The following ADK variants were observed in gnomAD, a reference collection of about 807,000 sequenced individuals.
ADK encodes N6,N6-dimethyladenosine kinase.
ADK carries 24 observed loss-of-function variants against 44.7 expected under a neutral mutation model. The ratio of observed to expected loss-of-function variants is 0.54; its 90% CI spans 0.39 to 0.76. The LOEUF (loss-of-function observed/expected upper bound fraction) is 0.76, where lower values mean the gene tolerates loss of function less well. Ranked by LOEUF, ADK falls within the 30% of genes least tolerant of loss-of-function variation. The probability of loss-of-function intolerance (pLI) is 0.00; values close to 1 mark genes in which losing one functional copy is unlikely to be tolerated. For missense variants in ADK, 321 were observed against 425.1 expected, an observed-to-expected ratio of 0.76 and a Z score of 2.15; for synonymous variants, 128 against 142.6, an observed-to-expected ratio of 0.90 and a Z score of 0.73.
rs886947496 is a variant in ADK, at chr10:74,492,399, C to T, written c.556-32857C>T. On this transcript the variant is annotated intron_variant, in intron 6 of 10. Transcript: ENST00000539909. ...GGAGGATCACTTGAGCCCAAGAGTTCGAGTCTGACCTGGGCAACATAATAA... is the reference window on the plus strand; with the variant it reads ...GGAGGATCACTTGAGCCCAAGAGTTTGAGTCTGACCTGGGCAACATAATAA... Among the ~76,000 whole-genome samples the T allele has an allele frequency of 1.1e-4, 16 of 151,852 alleles. No homozygotes were observed. The South Asian group carries it at 3.1e-3, about 30-fold the overall frequency.
rs2132017100 is a variant in ADK, at chr10:74,151,242, G to A, written c.-37G>A. 1.3e-6 allele frequency: 2 copies of A among 1,548,816 alleles called. 1 individual carries two copies. The highest frequency in any genetic ancestry group is 2.4e-5 in the South Asian group (2 of 83,950). On this transcript the variant is annotated 5_prime_UTR_variant, in exon 1 of 11. It adds an upstream start codon to the 5' untranslated region. Coordinates refer to ENST00000539909, the MANE Select transcript of ADK (RefSeq NM_006721.4). ...CGGGACCAGAGAGTGGATGGCAGAG[G>A]TGGGCTGTAGAGCCAAAGTGGGGTG...
chr10:74,360,969 G>A (rs1426351044), intron 4 of ADK, among the ~76,000 whole-genome samples: 1 of 152,170 alleles, frequency 6.6e-6, no homozygotes, highest in Non-Finnish European at 1.5e-5. Flanking sequence ...GTGCAGTGGT[G>A]TGATCTCGGC....
chr10:74,643,090 C>T (rs940904184), intron 9 of ADK, among the ~76,000 whole-genome samples: 6 of 152,058 alleles, frequency 3.9e-5, no homozygotes, highest in African/African-American at 1.4e-4. Flanking sequence ...AATCCACCCA[C>T]CTCAGCCTCC....
chr10:74,592,810 A>G (rs1851767903), intron 8 of ADK, among the ~76,000 whole-genome samples: 1 of 152,188 alleles, frequency 6.6e-6, no homozygotes, highest in Non-Finnish European at 1.5e-5. Flanking sequence ...GGCTATTTAA[A>G]TTAGGATTAA....
intron 6 of ADK, among the ~76,000 whole-genome samples, chr10:74,471,840 TTA>T (rs1431999698): frequency 6.6e-6 from 1 of 152,208 alleles, no homozygotes; most frequent in Non-Finnish European, 1.5e-5. Flanking sequence ...ATTAATTGTT[TTA>T]TGTTTATTTT....
At chr10:74,675,224 A>G (rs1270053618) in intron 10 of ADK, among the ~76,000 whole-genome samples, 1 of 152,192 alleles carries the variant, frequency 6.6e-6, no homozygotes, top group African/African-American at 2.4e-5. Context: ...TCCAGCTACC[A>G]TGTGCTAATT....
intron 3 of ADK, among the ~76,000 whole-genome samples, chr10:74,243,144 G>A (rs1461712547): frequency 6.6e-6 from 1 of 152,198 alleles, no homozygotes; most frequent in Non-Finnish European, 1.5e-5. Flanking sequence ...ACAGACAGAC[G>A]GCAGAGCTAA....
At chr10:74,543,041 CAGG>C (rs1849698685) in intron 7 of ADK, among the ~76,000 whole-genome samples, 1 of 151,930 alleles carries the variant, frequency 6.6e-6, no homozygotes, top group Admixed American at 6.6e-5. Flanking sequence ...GCTGGGACTA[CAGG>C]TGCCTGCCAC....
intron 6 of ADK, among the ~76,000 whole-genome samples, chr10:74,497,494 A>T (rs1847733512): frequency 2.0e-5 from 3 of 152,038 alleles, no homozygotes; most frequent in South Asian, 4.1e-4. Flanking sequence ...TTATAAGCAG[A>T]CTCATTCATT....
At chr10:74,571,015 C>G (rs932489384) in intron 7 of ADK, among the ~76,000 whole-genome samples, 45 of 152,180 alleles carry the variant, frequency 3.0e-4, no homozygotes, top group South Asian at 8.3e-4. Flanking sequence ...TGAATTTTAT[C>G]AAAGGCCTTT....
rs148293445 is a variant in ADK, at chr10:74,604,849, C to T, written c.877+4356C>T. ...TGTAAATTACTTTGGGTAGTATGACCATTTTCACGATATTCTTCCTATCCG... is the reference window on the plus strand; with the variant it reads ...TGTAAATTACTTTGGGTAGTATGACTATTTTCACGATATTCTTCCTATCCG... On this transcript the variant is annotated intron_variant, in intron 9 of 10. Transcript: ENST00000539909. Among the ~76,000 whole-genome samples the T allele has an allele frequency of 7.1e-3, 1,079 of 152,226 alleles. 10 individuals carry two copies. Among genetic ancestry groups the T allele is most frequent in the African/African-American group, 0.025 (1,028 of 41,512 alleles).
At chr10:74,574,600 G>T (rs960606381) in intron 7 of ADK, among the ~76,000 whole-genome samples, 2 of 152,164 alleles carry the variant, frequency 1.3e-5, no homozygotes, top group African/African-American at 4.8e-5. Flanking sequence ...TGTAATTAAA[G>T]ATTTAAATGC....
At chr10:74,162,409 A>G (rs1445745381) in intron 1 of ADK, among the ~76,000 whole-genome samples, 4 of 152,154 alleles carry the variant, frequency 2.6e-5, no homozygotes, top group Non-Finnish European at 4.4e-5. Flanking sequence ...CTATTACCTG[A>G]AAATACTTCA....
At chr10:74,206,561 C>A (rs527921982) in intron 2 of ADK, among the ~76,000 whole-genome samples, 2 of 152,196 alleles carry the variant, frequency 1.3e-5, no homozygotes, top group Non-Finnish European at 2.9e-5. Flanking sequence ...CTCTTCCCCC[C>A]AGCCTGTCAC....
intron 1 of ADK, among the ~76,000 whole-genome samples, chr10:74,196,912 G>A (rs2132137309): frequency 6.6e-6 from 1 of 152,284 alleles, no homozygotes; most frequent in East Asian, 1.9e-4. Flanking sequence ...CTTCATTAAT[G>A]ACCTGGTTTC....
intron 4 of ADK, among the ~76,000 whole-genome samples, chr10:74,334,423 A>G (rs751581266): frequency 6.6e-6 from 1 of 152,188 alleles, no homozygotes; most frequent in Non-Finnish European, 1.5e-5. Context: ...AACTCACTAC[A>G]AGCATAGCAT....
chr10:74,180,318 A>G (rs1842494194), intron 1 of ADK, among the ~76,000 whole-genome samples: 2 of 145,670 alleles, frequency 1.4e-5, no homozygotes, highest in South Asian at 4.4e-4. Flanking sequence ...GCTCATTGCA[A>G]CCTCCACCTC....
At chr10:74,646,733 A>G (rs990367377) in intron 9 of ADK, among the ~76,000 whole-genome samples, 4 of 152,186 alleles carry the variant, frequency 2.6e-5, no homozygotes, top group Non-Finnish European at 5.9e-5. Context: ...AGTGCAAAAT[A>G]TTGAAGAAAA....
chr10:74,673,449 C>G (rs1014518568), intron 10 of ADK, among the ~76,000 whole-genome samples: 1 of 152,190 alleles, frequency 6.6e-6, no homozygotes, highest in Non-Finnish European at 1.5e-5. Flanking sequence ...TTCACTCACT[C>G]GCTTCTCCAC....
Sources: allele counts gnomAD v4.1 joint callset (sites outside exome capture counted in the v4.1 genomes callset), GRCh38; gene constraint gnomAD v4.1.1; transcripts MANE v1.5; gene names NCBI Gene and HGNC (gene_info 2026-07-23, HGNC 2026-07-21).